The following KHDRBS3 variants were observed in gnomAD, a reference collection of about 807,000 sequenced individuals.
KHDRBS3 encodes KH RNA binding domain containing, signal transduction associated 3.
KHDRBS3 carries 23 observed loss-of-function variants against 45.6 expected under a neutral mutation model. That is an observed-to-expected ratio of 0.50 (90% CI 0.36 to 0.72). The LOEUF (loss-of-function observed/expected upper bound fraction) is 0.72, where lower values mean the gene tolerates loss of function less well. Among genes scored for constraint, KHDRBS3 ranks in the 30% least tolerant of loss-of-function variants. The pLI is 0.00. For missense variants in KHDRBS3, 352 were observed against 424.8 expected (o/e 0.83, Z 1.51); for synonymous variants, 162 against 156.5 (o/e 1.04, Z -0.26).
At chr8:135,462,855 T>A (rs1295306581) in intron 1 of KHDRBS3, among the ~76,000 whole-genome samples, 1 of 152,178 alleles carries the variant, frequency 6.6e-6, no homozygotes, top group African/African-American at 2.4e-5. Context: ...TCTAAAGGGC[T>A]AAGTTACTGG....
intron 7 of KHDRBS3, among the ~76,000 whole-genome samples, chr8:135,622,790 T>C (rs1586819712): frequency 6.6e-6 from 1 of 152,112 alleles, no homozygotes; most frequent in East Asian, 1.9e-4. Context: ...ACCAAAAGAT[T>C]CCATGCCTTG....
In KHDRBS3 at chr8:135,481,731, T is replaced by A. The variant is rs183896300; in HGVS notation, c.88+23777T>A. On this transcript the variant is annotated intron_variant, in intron 1 of 8. Coordinates refer to ENST00000355849, the MANE Select transcript of KHDRBS3 (RefSeq NM_006558.3). Reference sequence around the variant, plus strand: ...TAACGTTGTCAAATTGATTTATAGATGAGTTGTATTAGTTACACTCTGCCA... The same window carrying A: ...TAACGTTGTCAAATTGATTTATAGAAGAGTTGTATTAGTTACACTCTGCCA... Among the ~76,000 whole-genome samples the A allele has an allele frequency of 3.3e-5, 5 of 152,348 alleles. No homozygotes were observed. In the East Asian group the frequency reaches 9.6e-4, roughly 29 times the overall value.
At position 135,494,781 on chromosome 8, in the gene KHDRBS3, A is replaced by T. The variant is rs1823348654; in HGVS notation, c.89-26456A>T. On this transcript the variant is annotated intron_variant, in intron 1 of 8. Transcript: ENST00000355849. ...AGTGGGTTCAAGAGAATGTCTTCTCATCCCCTCCACCATCGCCATTCTCTC... is the reference window on the plus strand; with the variant it reads ...AGTGGGTTCAAGAGAATGTCTTCTCTTCCCCTCCACCATCGCCATTCTCTC... 2.6e-5 allele frequency among the ~76,000 whole-genome samples: 4 copies of T among 152,170 alleles called. No individual in the cohort carries two copies. The South Asian group carries it at 8.3e-4, about 32-fold the overall frequency.
intron 2 of KHDRBS3, among the ~76,000 whole-genome samples, chr8:135,525,580 A>G (rs1825139096): frequency 6.6e-6 from 1 of 152,160 alleles, no homozygotes; most frequent in Admixed American, 6.6e-5. Context: ...TACAGTTGAT[A>G]TTTATAGGTG....
chr8:135,575,803 A>G (rs1827922471), intron 5 of KHDRBS3, among the ~76,000 whole-genome samples: 1 of 152,222 alleles, frequency 6.6e-6, no homozygotes, highest in African/African-American at 2.4e-5. Context: ...CAGTTTATGA[A>G]CCAATATTGA....
intron 7 of KHDRBS3, among the ~76,000 whole-genome samples, chr8:135,631,252 G>GAA (rs35613635): frequency 0.05 from 3,609 of 72,196 alleles, 103 homozygotes; most frequent in African/African-American, 0.072. Context: ...CTCCGTCTCG[G>GAA]AAAAAAAAAA....
At chr8:135,458,842 C>T (rs1171859164) in intron 1 of KHDRBS3, 2 of 455,678 alleles carry the variant, frequency 4.4e-6, no homozygotes, top group African/African-American at 2.0e-5. Context: ...TGGAGGCACG[C>T]CTACCCGGGA....
At chr8:135,623,613 CTGT>C (rs1830239910) in intron 7 of KHDRBS3, among the ~76,000 whole-genome samples, 1 of 149,422 alleles carries the variant, frequency 6.7e-6, no homozygotes, top group Non-Finnish European at 1.5e-5. Context: ...TATTGAGAAA[CTGT>C]TTAAAGTAGA....
chr8:135,482,931 C>G (rs1025850899), intron 1 of KHDRBS3, among the ~76,000 whole-genome samples: 3 of 152,086 alleles, frequency 2.0e-5, no homozygotes, highest in Non-Finnish European at 4.4e-5. Context: ...AATGTTAATT[C>G]CTTTCTTTTT....
At chr8:135,576,859 G>A (rs367776715) in intron 5 of KHDRBS3, among the ~76,000 whole-genome samples, 8 of 152,156 alleles carry the variant, frequency 5.3e-5, no homozygotes, top group African/African-American at 1.9e-4. Flanking sequence ...TTAACCATCT[G>A]TAAATATATT....
chr8:135,651,249 GTCTA>G (rs1036450133), downstream of KHDRBS3, among the ~76,000 whole-genome samples: 6 of 151,726 alleles, frequency 4.0e-5, no homozygotes, highest in Non-Finnish European at 7.4e-5. Flanking sequence ...CTAAACAAGA[GTCTA>G]AACTGCAGGT....
intron 7 of KHDRBS3, among the ~76,000 whole-genome samples, chr8:135,618,903 C>T (rs1278248446): frequency 1.3e-5 from 2 of 152,186 alleles, no homozygotes; most frequent in African/African-American, 4.8e-5. Context: ...TCTGTCACTG[C>T]TGGGCATTTT....
At chr8:135,521,914 A>G (rs967655022) in intron 2 of KHDRBS3, among the ~76,000 whole-genome samples, 4 of 152,154 alleles carry the variant, frequency 2.6e-5, no homozygotes, top group Admixed American at 1.3e-4. Context: ...ATTTCTCTGA[A>G]CAGTTTTATA....
intron 1 of KHDRBS3, among the ~76,000 whole-genome samples, chr8:135,470,575 C>CTTTTTTTT (rs397962210): frequency 7.0e-6 from 1 of 141,884 alleles, no homozygotes; most frequent in African/African-American, 2.6e-5. Flanking sequence ...GGTTTTGCTG[C>CTTTTTTTT]TTTTTTTTTT....
chr8:135,619,570 T>C (rs568102418), intron 7 of KHDRBS3, among the ~76,000 whole-genome samples: 1 of 152,354 alleles, frequency 6.6e-6, no homozygotes, highest in East Asian at 1.9e-4. Flanking sequence ...ACAATAATAG[T>C]ACTGACCTCA....
chr8:135,594,017 A>G (rs185775362), intron 6 of KHDRBS3, among the ~76,000 whole-genome samples: 38 of 152,308 alleles, frequency 2.5e-4, no homozygotes, highest in Admixed American at 2.2e-3. Flanking sequence ...GCATGGACAC[A>G]GGGAGGATCT....
Position 135,462,261 on chromosome 8 carries a change from G to T in KHDRBS3, c.88+4307G>T, listed in dbSNP as rs1285858950. On this transcript the variant is annotated intron_variant, in intron 1 of 8. Coordinates refer to ENST00000355849, the MANE Select transcript of KHDRBS3 (RefSeq NM_006558.3). Reference sequence around the variant, plus strand: ...AGTTTTTTTTTTTTTTTAAGAAAATGCGATCACTCACAGTGTTAGATATGC... The same window carrying T: ...AGTTTTTTTTTTTTTTTAAGAAAATTCGATCACTCACAGTGTTAGATATGC... Among the ~76,000 whole-genome samples the T allele has an allele frequency of 7.5e-5, 11 of 146,034 alleles. No homozygotes were observed. In the South Asian group the frequency reaches 2.4e-3, roughly 31 times the overall value.
At chr8:135,642,662 C>T (rs1460269174) in intron 7 of KHDRBS3, among the ~76,000 whole-genome samples, 1 of 152,094 alleles carries the variant, frequency 6.6e-6, no homozygotes, top group Non-Finnish European at 1.5e-5. Flanking sequence ...ACAGAGAGCT[C>T]AAATCATAAC....
chr8:135,488,782 G>A (rs1822994621), intron 1 of KHDRBS3, among the ~76,000 whole-genome samples: 2 of 152,152 alleles, frequency 1.3e-5, no homozygotes. Context: ...AATACAATAT[G>A]GCATTGTAAC....
Sources: allele counts gnomAD v4.1 joint callset (sites outside exome capture counted in the v4.1 genomes callset), GRCh38; gene constraint gnomAD v4.1.1; transcripts MANE v1.5; gene names NCBI Gene and HGNC (gene_info 2026-07-23, HGNC 2026-07-21).